NALF1: variants seen among roughly 807,000 people sequenced by gnomAD.
NALF1 encodes NALCN channel auxiliary factor 1.
A neutral mutation model predicts 48.4 loss-of-function variants in NALF1; 3 were observed. The observed-to-expected ratio is 0.06, with a 90% CI of 0.03 to 0.16. The LOEUF (loss-of-function observed/expected upper bound fraction) is 0.16, where lower values mean the gene tolerates loss of function less well. Ranked by LOEUF, NALF1 falls within the 10% of genes least tolerant of loss-of-function variation. The probability of loss-of-function intolerance (pLI) is 1.00; values close to 1 mark genes in which losing one functional copy is unlikely to be tolerated. For synonymous variants in NALF1, 262 were observed against 245.7 expected, an observed-to-expected ratio of 1.07 and a Z score of -0.62; for missense variants, 526 against 571.5, an observed-to-expected ratio of 0.92 and a Z score of 0.81.
intron 1 of NALF1, among the ~76,000 whole-genome samples, chr13:107,571,301 G>C (rs991533333): frequency 2.0e-5 from 3 of 152,176 alleles, no homozygotes; most frequent in African/African-American, 4.8e-5. Flanking sequence ...AGTATGATTA[G>C]AGTAGCTGGA....
At chr13:107,227,948 C>T (rs1201076145) in intron 1 of NALF1, among the ~76,000 whole-genome samples, 2 of 152,178 alleles carry the variant, frequency 1.3e-5, no homozygotes, top group Non-Finnish European at 1.5e-5. Flanking sequence ...AAAATATGAG[C>T]TCTTCATATG....
chr13:107,326,571 G>T, intron 1 of NALF1, among the ~76,000 whole-genome samples: 1 of 152,172 alleles, frequency 6.6e-6, no homozygotes, highest in Admixed American at 6.6e-5. Context: ...GATTAGTCCA[G>T]ATTTGGACTC....
chr13:107,560,834 T>C (rs1281160462), intron 1 of NALF1, among the ~76,000 whole-genome samples: 2 of 152,244 alleles, frequency 1.3e-5, no homozygotes, highest in African/African-American at 2.4e-5. Flanking sequence ...AAGTCTTCAC[T>C]GTCAACTTTG....
At chr13:107,580,570 C>T (rs1045432946) in intron 1 of NALF1, among the ~76,000 whole-genome samples, 15 of 152,126 alleles carry the variant, frequency 9.9e-5, no homozygotes, top group African/African-American at 3.4e-4. Flanking sequence ...TCTTTACTCT[C>T]TCATATTATT....
At chr13:107,263,452 G>T (rs1880976695) in intron 1 of NALF1, among the ~76,000 whole-genome samples, 1 of 152,058 alleles carries the variant, frequency 6.6e-6, no homozygotes, top group Non-Finnish European at 1.5e-5. Context: ...CGGTTTGGCT[G>T]TGGCCCCACC....
intron 1 of NALF1, among the ~76,000 whole-genome samples, chr13:107,403,204 T>TTTTTTTTTTTTTTTC (rs1883840979): frequency 7.0e-6 from 1 of 143,728 alleles, no homozygotes; most frequent in Non-Finnish European, 1.5e-5. Context: ...TTTTTTTTTT[T>TTTTTTTTTTTTTTTC]TTTTTTTTTT....
intron 1 of NALF1, among the ~76,000 whole-genome samples, chr13:107,251,472 C>T (rs1379983460): frequency 2.6e-5 from 4 of 152,208 alleles, no homozygotes; most frequent in Non-Finnish European, 5.9e-5. Flanking sequence ...CTGCTGTGGA[C>T]TTGCTGCCTT....
chr13:107,866,625 T>C lies in NALF1; in HGVS notation c.-29A>G, dbSNP rs1310175993. 2 of 1,568,706 alleles carry C rather than the reference T, an allele frequency of 1.3e-6. No individual in the cohort carries two copies. Among genetic ancestry groups the C allele is most frequent in the African/African-American group, 2.7e-5 (2 of 73,454 alleles). ...TTGGGAACGCACAGCCCTGGCCGAC[T>C]CCACCGTGAGGGCGCCTGTGCCGGT... is the stretch of plus-strand genomic sequence containing the variant. On this transcript the variant is annotated 5_prime_UTR_variant, in exon 1 of 3. Transcript: ENST00000375915. This position sits in a 1 kb window ranked among gnomAD's most constrained non-coding sequence, Gnocchi z 4.4.
At chr13:107,862,455 T>G (rs1014981682) in intron 1 of NALF1, among the ~76,000 whole-genome samples, 3 of 152,124 alleles carry the variant, frequency 2.0e-5, no homozygotes, top group Admixed American at 1.3e-4. Context: ...TAAATAACAC[T>G]GTAAACTACA....
At chr13:107,332,962 C>T (rs1882496442) in intron 1 of NALF1, among the ~76,000 whole-genome samples, 1 of 152,154 alleles carries the variant, frequency 6.6e-6, no homozygotes, top group African/African-American at 2.4e-5. Flanking sequence ...TCTCCTGCCT[C>T]AGCCCCCAGA....
chr13:107,649,842 C>T (rs969712064), intron 1 of NALF1, among the ~76,000 whole-genome samples: 1 of 152,072 alleles, frequency 6.6e-6, no homozygotes, highest in East Asian at 1.9e-4. Flanking sequence ...GCAGTCTATA[C>T]CAAAAAAGGT....
chr13:107,476,196 C>T (rs1457271554), intron 1 of NALF1, among the ~76,000 whole-genome samples: 1 of 152,124 alleles, frequency 6.6e-6, no homozygotes, highest in Non-Finnish European at 1.5e-5. Flanking sequence ...TTGCAGGCAG[C>T]CGACTTCTTA....
At chr13:107,421,101 T>C (rs56070849) in intron 1 of NALF1, among the ~76,000 whole-genome samples, 15,493 of 152,170 alleles carry the variant, frequency 0.1, 814 homozygotes, top group Middle Eastern at 0.13. Flanking sequence ...AACACTTTTA[T>C]CCAAAAATAC....
At chr13:107,846,641 T>C (rs1052434807) in intron 1 of NALF1, among the ~76,000 whole-genome samples, 3 of 152,166 alleles carry the variant, frequency 2.0e-5, no homozygotes, top group African/African-American at 2.4e-5. Context: ...CTAGAAGAAT[T>C]AGAAGAATAT....
intron 1 of NALF1, among the ~76,000 whole-genome samples, chr13:107,424,454 A>T (rs1884245004): frequency 6.6e-6 from 1 of 152,166 alleles, no homozygotes; most frequent in Admixed American, 6.6e-5. Context: ...ATTCCTTATA[A>T]TCAATGTAAA....
chr13:107,519,435 T>C (rs535299436), intron 1 of NALF1, among the ~76,000 whole-genome samples: 1 of 151,968 alleles, frequency 6.6e-6, no homozygotes, highest in African/African-American at 2.4e-5. Flanking sequence ...AACTACTAAG[T>C]AATGGTTTCC....
intron 1 of NALF1, among the ~76,000 whole-genome samples, chr13:107,779,866 T>C (rs1414454209): frequency 6.6e-6 from 1 of 152,206 alleles, no homozygotes; most frequent in Non-Finnish European, 1.5e-5. Flanking sequence ...TTTCATTTCA[T>C]GCTTGGAACC....
At chr13:107,504,485 G>C (rs1219573968) in intron 1 of NALF1, among the ~76,000 whole-genome samples, 1 of 152,142 alleles carries the variant, frequency 6.6e-6, no homozygotes, top group African/African-American at 2.4e-5. Context: ...ATTCACTACA[G>C]TATCCATTTT....
At chr13:107,467,578 C>T (rs1425382934) in intron 1 of NALF1, among the ~76,000 whole-genome samples, 2 of 152,146 alleles carry the variant, frequency 1.3e-5, no homozygotes, top group Non-Finnish European at 2.9e-5. Flanking sequence ...ATTTCATTAC[C>T]TTCTCCTAAT....
Sources: gnomAD v4.1 joint callset for allele counts (sites outside exome capture counted in the v4.1 genomes callset) on GRCh38, gnomAD v4.1.1 for gene constraint, Gnocchi (gnomAD v3.1) non-coding constraint, MANE v1.5 for transcripts, NCBI Gene and HGNC (gene_info 2026-07-23, HGNC 2026-07-21) for gene names.